HOXC13: variants seen among roughly 807,000 people sequenced by gnomAD.
The protein encoded by HOXC13 is homeobox protein Hox-C13.
Under a neutral mutation model 25.9 loss-of-function variants are expected in HOXC13, and 10 were observed. The ratio of observed to expected loss-of-function variants is 0.39; its 90% CI spans 0.24 to 0.65. The LOEUF (loss-of-function observed/expected upper bound fraction) is 0.65, where lower values mean the gene tolerates loss of function less well. Ranked by LOEUF, HOXC13 falls within the 30% of genes least tolerant of loss-of-function variation. The pLI is 0.50. For synonymous variants in HOXC13, 233 were observed against 217.1 expected (o/e 1.07, Z -0.64); for missense variants, 439 against 478.3 (o/e 0.92, Z 0.77).
At chr12:53,940,921 C>T (rs535642889) in intron 1 of HOXC13, among the ~76,000 whole-genome samples, 86 of 151,896 alleles carry the variant, frequency 5.7e-4, no homozygotes, top group Non-Finnish European at 1.1e-3. Flanking sequence ...CCTCTGCATA[C>T]GGAATTGGAA....
rs1331218348 is a variant in HOXC13, at chr12:53,945,318, C to T, written c.*62C>T. On this transcript the variant is annotated 3_prime_UTR_variant, in exon 2 of 2. Transcript: ENST00000243056. This position sits in a 1 kb window ranked among gnomAD's most constrained non-coding sequence, Gnocchi z 4.4. ...CCGCTTTGTACCATAACCGAACCCA[C>T]GGAAAGACGCTGCGCGGGTGCAGAA... The T allele has an allele frequency of 5.7e-6, 9 of 1,570,490 alleles. No homozygotes were observed. Among genetic ancestry groups the T allele is most frequent in the South Asian group, 3.3e-5 (3 of 89,572 alleles).
chr12:53,939,126 C>G lies in HOXC13; in HGVS notation c.220C>G (p.Pro74Ala). ...GGCCAGCCACTGCCGCGACCTGCTT[C>G]CGCACCCCGTGCTGGGCCGCCCGCC... ...CPASHCRDLL[P>A]HPVLGRPPAP... is the part of the protein sequence containing the mutation. Residue 74 changes from proline to alanine, a missense_variant, in exon 1 of 2, where the codon CCG (proline) becomes GCG (alanine). Transcript: ENST00000243056. The surrounding 1 kb of genome is among the most constrained non-coding windows in gnomAD (Gnocchi z 6.7). 1.4e-6 allele frequency: 2 copies of G among 1,465,622 alleles called. No homozygotes were observed. Among genetic ancestry groups the G allele is most frequent in the Admixed American group, 5.2e-5 (2 of 38,658 alleles). 90.8% of individuals were successfully genotyped at this position (1,465,622 alleles called of 1,614,324 possible).
chr12:53,939,455 G>C lies in HOXC13; in HGVS notation c.549G>C (p.Gln183His), dbSNP rs199766120. 40 of 1,608,056 alleles carry C rather than the reference G, an allele frequency of 2.5e-5. No homozygotes were observed. The Admixed American group carries it at 5.9e-4, about 24-fold the overall frequency. ...ACCCCAGCTTCGCCAGCTCCTACCA[G>C]GCGATGCCCGGCTACCTGGACGTGT... is the stretch of plus-strand genomic sequence containing the variant. ...AFYPSFASSY[Q>H]AMPGYLDVSV... The change falls in exon 1 of 2, where the codon CAG becomes CAC. Residue 183 changes from glutamine to histidine, a missense_variant. Gln to His is a conservative substitution (Grantham distance 24). Coordinates refer to ENST00000243056, the MANE Select transcript of HOXC13 (RefSeq NM_017410.3). The surrounding 1 kb of genome is among the most constrained non-coding windows in gnomAD (Gnocchi z 6.7).
At chr12:53,943,124 A>C (rs948462131) in intron 1 of HOXC13, among the ~76,000 whole-genome samples, 2 of 152,250 alleles carry the variant, frequency 1.3e-5, no homozygotes, top group Non-Finnish European at 2.9e-5. Flanking sequence ...TCATTTTAAG[A>C]GTCAGAAAGT....
intron 1 of HOXC13, among the ~76,000 whole-genome samples, chr12:53,941,076 G>A (rs976804114): frequency 1.3e-5 from 2 of 152,010 alleles, no homozygotes; most frequent in African/African-American, 2.4e-5. Context: ...ACTTCTGATT[G>A]CCAGAATTAA....
chr12:53,943,967 G>A (rs898613339), intron 1 of HOXC13, among the ~76,000 whole-genome samples: 4 of 152,228 alleles, frequency 2.6e-5, no homozygotes, highest in African/African-American at 9.7e-5. Flanking sequence ...TGAGGGTGGA[G>A]TAGAAAATGG....
rs1257055904 is a variant in HOXC13, at chr12:53,939,034, G to C, written c.128G>C (p.Gly43Ala). 5 of 1,468,388 alleles carry C rather than the reference G, an allele frequency of 3.4e-6. No homozygotes were observed. In the African/African-American group the frequency reaches 4.4e-5, roughly 13 times the overall value. The allele number at this position is 1,468,388 out of a possible 1,614,324, so 91.0% of individuals were successfully genotyped here. A position where few individuals can be genotyped will look rare whatever the true frequency, so the allele number is the denominator to read the frequency against. ...GGAGGCGGCGGCACGGGCGGAGCGGGGGGTGGCTGCAGCGGAGCGAGCCCC... is the reference window on the plus strand; with the variant it reads ...GGAGGCGGCGGCACGGGCGGAGCGGCGGGTGGCTGCAGCGGAGCGAGCCCC... ...GGGGGGTGGA[G>A]GGCSGASPGK... The change falls in exon 1 of 2, where the codon GGG becomes GCG. Residue 43 changes from glycine (G) to alanine (A), a missense_variant. By Grantham distance (60) the Gly-to-Ala change is moderately conservative (BLOSUM62 0). Transcript: ENST00000243056. The surrounding 1 kb of genome is among the most constrained non-coding windows in gnomAD (Gnocchi z 6.7).
At chr12:53,944,264 C>G (rs1938654651) in intron 1 of HOXC13, among the ~76,000 whole-genome samples, 1 of 152,066 alleles carries the variant, frequency 6.6e-6, no homozygotes, top group Non-Finnish European at 1.5e-5. Context: ...TTAGGTGGTT[C>G]ATAACATTGG....
intron 1 of HOXC13, among the ~76,000 whole-genome samples, 192 bp from the exon 2 acceptor site, chr12:53,944,808 C>T (rs1161245766): frequency 6.6e-6 from 1 of 152,124 alleles, no homozygotes; most frequent in African/African-American, 2.4e-5. Flanking sequence ...AACTTCGAGC[C>T]CAGTGGCCTC....
At chr12:53,940,101 G>T (rs954976806) in intron 1 of HOXC13, among the ~76,000 whole-genome samples, 5 of 152,252 alleles carry the variant, frequency 3.3e-5, no homozygotes, top group African/African-American at 1.2e-4. Context: ...TCGCAGGATC[G>T]TTCAGGCACT....
intron 1 of HOXC13, among the ~76,000 whole-genome samples, chr12:53,941,259 G>A (rs1198489321): frequency 2.6e-5 from 4 of 152,200 alleles, no homozygotes; most frequent in Non-Finnish European, 5.9e-5. Flanking sequence ...TAGAGAGATG[G>A]CCCTTTAATT....
chr12:53,941,602 T>TA (rs1938612034), intron 1 of HOXC13, among the ~76,000 whole-genome samples: 1 of 152,084 alleles, frequency 6.6e-6, no homozygotes, highest in East Asian at 1.9e-4. Context: ...AAAACTCCAC[T>TA]AAAAATAAAT....
chr12:53,944,684 A>T (rs139846864), intron 1 of HOXC13, among the ~76,000 whole-genome samples: 1,564 of 152,148 alleles, frequency 0.01, 32 homozygotes, highest in African/African-American at 0.036. Context: ...ACCCATGTTT[A>T]TTTTTTTAAT....
intron 1 of HOXC13, among the ~76,000 whole-genome samples, chr12:53,940,683 G>A (rs1051020823): frequency 2.0e-5 from 3 of 152,146 alleles, no homozygotes; most frequent in Non-Finnish European, 4.4e-5. Context: ...TCAGGATTCC[G>A]GTCTAGGGAG....
At position 53,939,224 on chromosome 12, in the gene HOXC13, C is replaced by T. The variant is rs746559002; in HGVS notation, c.318C>T (p.Ala106=). The T allele has an allele frequency of 1.3e-6, 2 of 1,536,904 alleles. No individual in the cohort carries two copies. The highest frequency in any genetic ancestry group is 4.9e-5 in the East Asian group (2 of 40,500). Residue 106 remains alanine (A), a synonymous_variant, in exon 1 of 2, where the codon GCC becomes GCT. Transcript: ENST00000243056. This position sits in a 1 kb window ranked among gnomAD's most constrained non-coding sequence, Gnocchi z 6.7. The part of the protein sequence containing the change: ...IPAPEAARQC[A]PPPAPPTSSS... ...CCCCGGAGGCGGCGCGCCAGTGTGC[C>T]CCGCCGCCCGCACCCCCCACCTCGT...
chr12:53,943,952 A>T (rs1389333214), intron 1 of HOXC13, among the ~76,000 whole-genome samples: 1 of 152,172 alleles, frequency 6.6e-6, no homozygotes, highest in Non-Finnish European at 1.5e-5. Context: ...CTTTATTGAC[A>T]GGGATGAGGG....
rs766116305 is a variant in HOXC13, at chr12:53,939,409, G to C, written c.503G>C (p.Arg168Thr). The C allele has an allele frequency of 6.2e-7, 1 of 1,604,872 alleles. No homozygotes were observed. Among genetic ancestry groups the C allele is most frequent in the Non-Finnish European group, 8.5e-7 (1 of 1,177,646 alleles). ...GALPGDDLSS[R>T]AKEFAFYPSF... ...CTGCCCGGTGACGACCTGTCCTCTA[G>C]GGCCAAGGAGTTCGCCTTCTACCCC... Residue 168 changes from arginine (R) to threonine (T), a missense_variant, in exon 1 of 2, where the codon AGG becomes ACG. Arg to Thr is a moderately conservative substitution (Grantham distance 71, BLOSUM62 -1). Coordinates refer to ENST00000243056, the MANE Select transcript of HOXC13 (RefSeq NM_017410.3). This position sits in a 1 kb window ranked among gnomAD's most constrained non-coding sequence, Gnocchi z 6.7.
chr12:53,941,331 C>T (rs1250428424), intron 1 of HOXC13, among the ~76,000 whole-genome samples: 1 of 152,160 alleles, frequency 6.6e-6, no homozygotes, highest in African/African-American at 2.4e-5. Flanking sequence ...ATTCCTGGGG[C>T]AGGGAAGCCA....
intron 1 of HOXC13, among the ~76,000 whole-genome samples, chr12:53,940,356 C>G (rs1207217284): frequency 6.6e-6 from 1 of 152,132 alleles, no homozygotes; most frequent in African/African-American, 2.4e-5. Flanking sequence ...CCACTGCCAA[C>G]TCCCCCATAT....
Sources: gnomAD v4.1 joint callset for allele counts (sites outside exome capture counted in the v4.1 genomes callset) on GRCh38, gnomAD v4.1.1 for gene constraint, Gnocchi (gnomAD v3.1) non-coding constraint, MANE v1.5 for transcripts, NCBI Gene and HGNC (gene_info 2026-07-23, HGNC 2026-07-21) for gene names.